NFIA: variants seen among roughly 807,000 people sequenced by gnomAD.
NFIA encodes nuclear factor 1 A-type.
Under a neutral mutation model 62.8 loss-of-function variants are expected in NFIA, and 8 were observed. The observed-to-expected ratio is 0.13, with a 90% CI of 0.07 to 0.23. The LOEUF (loss-of-function observed/expected upper bound fraction) is 0.23, where lower values mean the gene tolerates loss of function less well. Among genes scored for constraint, NFIA ranks in the 10% least tolerant of loss-of-function variants. The pLI is 1.00. For missense variants in NFIA, 410 were observed against 642.1 expected (o/e 0.64, Z 3.91); for synonymous variants, 235 against 238.1 (o/e 0.99, Z 0.12).
At chr1:61,416,435 T>C (rs569701238) in intron 9 of NFIA, among the ~76,000 whole-genome samples, 162 of 152,232 alleles carry the variant, frequency 1.1e-3, no homozygotes, top group Middle Eastern at 6.8e-3. Flanking sequence ...GTGTGATTTT[T>C]CTAGTAAAAA....
intron 2 of NFIA, among the ~76,000 whole-genome samples, chr1:61,236,516 A>G (rs1192374838): frequency 1.3e-5 from 2 of 152,210 alleles, no homozygotes; most frequent in Non-Finnish European, 2.9e-5. Flanking sequence ...AATACTACAC[A>G]GAGAAAGAGA....
chr1:61,351,070 A>G (rs772062476), intron 4 of NFIA, among the ~76,000 whole-genome samples: 3 of 152,250 alleles, frequency 2.0e-5, no homozygotes, highest in Admixed American at 6.5e-5. Context: ...TTTCACTTTC[A>G]GTACAATATT....
rs1453768636 is a variant in NFIA at position 61,082,900 on chromosome 1, C to G, written c.27+82C>G. On this transcript the variant is annotated intron_variant, in intron 1 of 10. Coordinates refer to ENST00000403491, the MANE Select transcript of NFIA (RefSeq NM_001134673.4). ...GGGGCTGGGTGGGGGGCACCGGGGC[C>G]GTCGCTCCGGCCGGGCCCAGGGCGT... 8.7e-6 allele frequency: 11 copies of G among 1,268,724 alleles called. 1 individual carries two copies. Among genetic ancestry groups the G allele is most frequent in the South Asian group, 3.2e-5 (2 of 63,088 alleles). 78.6% of individuals were successfully genotyped at this position (1,268,724 alleles called of 1,614,324 possible).
chr1:61,126,437 A>AACACACACACAC (rs61077935), intron 2 of NFIA, among the ~76,000 whole-genome samples: 1,682 of 74,772 alleles, frequency 0.022, 58 homozygotes, highest in East Asian at 0.16. Context: ...TTTGAAAATG[A>AACACACACACAC]ACACACACAC....
intron 3 of NFIA, among the ~76,000 whole-genome samples, chr1:61,277,995 C>A (rs778969171): frequency 2.0e-5 from 3 of 151,774 alleles, no homozygotes; most frequent in African/African-American, 4.8e-5. Flanking sequence ...TAAGATCATT[C>A]ATTCACAAGC....
chr1:61,240,123 T>G (rs1655255979), intron 2 of NFIA, among the ~76,000 whole-genome samples: 1 of 152,162 alleles, frequency 6.6e-6, no homozygotes, highest in African/African-American at 2.4e-5. Flanking sequence ...ATGGTTTAAC[T>G]AATTGTTTCA....
chr1:61,331,711 A>G (rs1661308675), intron 3 of NFIA, among the ~76,000 whole-genome samples: 1 of 152,180 alleles, frequency 6.6e-6, no homozygotes, highest in African/African-American at 2.4e-5. Flanking sequence ...ACTACATACC[A>G]TAGATTATGT....
chr1:61,433,047 T>G (rs116357536), intron 10 of NFIA, among the ~76,000 whole-genome samples: 2 of 152,224 alleles, frequency 1.3e-5, no homozygotes, highest in Non-Finnish European at 2.9e-5. Flanking sequence ...CAAATACTTA[T>G]CTGCATCCCC....
At chr1:61,265,160 T>G (rs1289674091) in intron 2 of NFIA, among the ~76,000 whole-genome samples, 1 of 152,230 alleles carries the variant, frequency 6.6e-6, no homozygotes, top group South Asian at 2.1e-4. Flanking sequence ...AATCACTGAC[T>G]AATCCTTTTA....
At chr1:61,371,218 G>A (rs1401485522) in intron 6 of NFIA, among the ~76,000 whole-genome samples, 5 of 152,162 alleles carry the variant, frequency 3.3e-5, no homozygotes, top group South Asian at 2.1e-4. Flanking sequence ...AAATCCACGT[G>A]TAAGGCTTAA....
At chr1:61,283,041 T>C (rs1658233182) in intron 3 of NFIA, among the ~76,000 whole-genome samples, 1 of 152,144 alleles carries the variant, frequency 6.6e-6, no homozygotes, top group African/African-American at 2.4e-5. Flanking sequence ...ACCTGCCAAT[T>C]TGAAAATTAC....
At chr1:61,329,817 T>C (rs1467133338) in intron 3 of NFIA, among the ~76,000 whole-genome samples, 1 of 152,156 alleles carries the variant, frequency 6.6e-6, no homozygotes, top group East Asian at 1.9e-4. Flanking sequence ...TGCATATCTG[T>C]CAGACAGCCC....
intron 2 of NFIA, among the ~76,000 whole-genome samples, chr1:61,246,207 T>TTC (rs1655639145): frequency 6.6e-6 from 1 of 152,116 alleles, no homozygotes; most frequent in Admixed American, 6.5e-5. Context: ...AATAATGCTG[T>TTC]TTAAAAAGAG....
chr1:61,081,781 C>A (rs187633465), upstream of NFIA: 60 of 1,272,668 alleles, frequency 4.7e-5, no homozygotes, highest in Admixed American at 9.2e-5. Context: ...AGGACCGAAG[C>A]TGCACAAAGT....
chr1:61,183,536 G>C (rs576541272), intron 2 of NFIA, among the ~76,000 whole-genome samples: 2 of 152,240 alleles, frequency 1.3e-5, no homozygotes, highest in African/African-American at 2.4e-5. Context: ...CCAGTGGCCA[G>C]TGGCCAGGTG....
At chr1:61,454,408 A>C (rs1361151661) in intron 10 of NFIA, among the ~76,000 whole-genome samples, 1 of 152,200 alleles carries the variant, frequency 6.6e-6, no homozygotes, top group African/African-American at 2.4e-5. Context: ...GCTCAAAGCT[A>C]ACCACCTAAG....
chr1:61,278,803 G>A (rs192633400), intron 3 of NFIA, among the ~76,000 whole-genome samples: 77 of 151,630 alleles, frequency 5.1e-4, no homozygotes, highest in Middle Eastern at 7.0e-3. Context: ...GAGGCGGGGC[G>A]GCGGAAGCTC....
intron 2 of NFIA, among the ~76,000 whole-genome samples, chr1:61,201,198 T>C (rs1652463646): frequency 1.3e-5 from 2 of 152,192 alleles, no homozygotes; most frequent in East Asian, 3.8e-4. Flanking sequence ...CAGTATCTTT[T>C]ATCCTATCTA....
At position 61,300,514 on chromosome 1, in the gene NFIA, C is replaced by T. The variant is rs142468846; in HGVS notation, c.625+22929C>T. On this transcript the variant is annotated intron_variant, in intron 3 of 10. Transcript: ENST00000403491. ...GCTATTTCTATATATTCTTCGATAG[C>T]CCACAGAAATTTATTTAAAATAATT... Among the ~76,000 whole-genome samples the T allele has an allele frequency of 7.0e-3, 1,071 of 152,096 alleles. 8 individuals carry two copies. Among genetic ancestry groups the T allele is most frequent in the Non-Finnish European group, 9.4e-3 (641 of 67,940 alleles).
Sources: gnomAD v4.1 joint callset for allele counts (sites outside exome capture counted in the v4.1 genomes callset) on GRCh38, gnomAD v4.1.1 for gene constraint, MANE v1.5 for transcripts, NCBI Gene and HGNC (gene_info 2026-07-23, HGNC 2026-07-21) for gene names.